Variants in NXN observed in about 807,000 individuals in gnomAD.
The protein encoded by NXN is nucleoredoxin 1.
Under a neutral mutation model 48.6 loss-of-function variants are expected in NXN, and 16 were observed. The observed-to-expected ratio is 0.33, with a 90% confidence interval of 0.22 to 0.50. The LOEUF (loss-of-function observed/expected upper bound fraction) is 0.50, where lower values mean the gene tolerates loss of function less well. Ranked by LOEUF, NXN falls within the 20% of genes least tolerant of loss-of-function variation. The probability of loss-of-function intolerance (pLI) is 0.98; values close to 1 mark genes in which losing one functional copy is unlikely to be tolerated. For synonymous variants in NXN, 281 were observed against 269.6 expected (o/e 1.04, Z -0.41); for missense variants, 492 against 605.5 (o/e 0.81, Z 1.97).
At chr17:847,770 ATTGT>A (rs2067880669) in intron 1 of NXN, among the ~76,000 whole-genome samples, 1 of 152,200 alleles carries the variant, frequency 6.6e-6, no homozygotes, top group African/African-American at 2.4e-5. Flanking sequence ...GGGGAGGTAA[ATTGT>A]TTGGAAAGTA....
At chr17:813,740 G>T (rs879422923) in intron 5 of NXN, among the ~76,000 whole-genome samples, 7 of 147,352 alleles carry the variant, frequency 4.8e-5, no homozygotes, top group Non-Finnish European at 1.1e-4. Context: ...AGGCCAAGGC[G>T]GGCACATCAC....
At chr17:961,639 T>C (rs1317336543) in intron 1 of NXN, among the ~76,000 whole-genome samples, 1 of 152,198 alleles carries the variant, frequency 6.6e-6, no homozygotes, top group African/African-American at 2.4e-5. Flanking sequence ...TAAACTGACA[T>C]TAATTCCCCT....
intron 4 of NXN, among the ~76,000 whole-genome samples, chr17:820,579 T>A (rs7217099): frequency 1.2e-5 from 1 of 86,268 alleles, no homozygotes; most frequent in Non-Finnish European, 2.1e-5. Flanking sequence ...GCCACTGCAC[T>A]CCAGCCCGGG....
At chr17:909,098 CAA>C (rs59822805) in intron 1 of NXN, among the ~76,000 whole-genome samples, 4,050 of 113,544 alleles carry the variant, frequency 0.036, 6 homozygotes, top group Non-Finnish European at 0.052. Flanking sequence ...GACTTCGTCT[CAA>C]AAAAAAAAAA....
intron 1 of NXN, among the ~76,000 whole-genome samples, chr17:974,145 C>A (rs1259189208): frequency 6.6e-6 from 1 of 151,578 alleles, no homozygotes; most frequent in East Asian, 2.0e-4. Flanking sequence ...GTCGGGAGAT[C>A]GAGACCATCC....
chr17:800,951 A>G lies in NXN; in HGVS notation c.1306T>C (p.Ter436GlnextTer107). 1 of 1,465,994 alleles carries G rather than the reference A, an allele frequency of 6.8e-7. No homozygotes were observed. 90.8% of individuals were successfully genotyped at this position (1,465,994 alleles called of 1,614,324 possible). Residue 436 changes from the stop codon to glutamine (Q), a stop_lost, in exon 8 of 8, where the codon TAG (stop) becomes CAG (glutamine). Transcript: ENST00000336868. ...LAEKLKPEPI[*>Q] ...CGTCTCAGGAGGCCGGAGCCACGCTAGATGGGCTCCGGTTTGAGCTTCTCT... is the reference window on the plus strand; with the variant it reads ...CGTCTCAGGAGGCCGGAGCCACGCTGGATGGGCTCCGGTTTGAGCTTCTCT...
chr17:881,486 C>T (rs1187988856), intron 1 of NXN, among the ~76,000 whole-genome samples: 1 of 152,206 alleles, frequency 6.6e-6, no homozygotes, highest in Non-Finnish European at 1.5e-5. Flanking sequence ...CTTGGCCTCC[C>T]AAAGTGCTGG....
At chr17:881,881 T>A (rs1255736205) in intron 1 of NXN, among the ~76,000 whole-genome samples, 1 of 152,186 alleles carries the variant, frequency 6.6e-6, no homozygotes, top group African/African-American at 2.4e-5. Context: ...TACGATTCCA[T>A]TTCCATGACG....
chr17:941,276 T>A (rs1265328899), intron 1 of NXN, among the ~76,000 whole-genome samples: 1 of 121,752 alleles, frequency 8.2e-6, no homozygotes, highest in Non-Finnish European at 1.7e-5. Context: ...CAGCCATGAA[T>A]TCACCAAACA....
intron 1 of NXN, among the ~76,000 whole-genome samples, chr17:871,325 T>C (rs117853408): frequency 0.017 from 2,527 of 152,000 alleles, 34 homozygotes; most frequent in Non-Finnish European, 0.025. Context: ...CAACAAGTAA[T>C]TGATTCCTAA....
chr17:940,237 A>ATT (rs56917679), intron 1 of NXN, among the ~76,000 whole-genome samples: 3,900 of 141,210 alleles, frequency 0.028, 75 homozygotes, highest in East Asian at 0.096. Flanking sequence ...CCTGGCCTCA[A>ATT]TTTTTTTTTT....
chr17:961,133 C>G (rs558377879), intron 1 of NXN, among the ~76,000 whole-genome samples: 2 of 151,900 alleles, frequency 1.3e-5, no homozygotes, highest in East Asian at 3.9e-4. Context: ...GTGGCTCATG[C>G]CTGTAATCCC....
chr17:970,416 A>C (rs1044822066), intron 1 of NXN, among the ~76,000 whole-genome samples: 9 of 152,174 alleles, frequency 5.9e-5, no homozygotes, highest in Middle Eastern at 3.4e-3. Context: ...CCTTCACTGG[A>C]GGAACTAAAA....
intron 1 of NXN, among the ~76,000 whole-genome samples, chr17:872,422 A>C (rs1256676189): frequency 6.6e-6 from 1 of 152,010 alleles, no homozygotes; most frequent in Non-Finnish European, 1.5e-5. Context: ...AGACAGAGGA[A>C]CACGTCAATC....
intron 1 of NXN, among the ~76,000 whole-genome samples, chr17:866,643 T>G (rs1190736611): frequency 6.6e-6 from 1 of 152,172 alleles, no homozygotes; most frequent in Non-Finnish European, 1.5e-5. Flanking sequence ...CAGTACCATG[T>G]ACCTGTTTTA....
intron 1 of NXN, among the ~76,000 whole-genome samples, chr17:926,706 G>C (rs560572484): frequency 6.8e-6 from 1 of 146,668 alleles, no homozygotes; most frequent in East Asian, 2.1e-4. Context: ...CCACCACGTC[G>C]GCTCATTTTT....
chr17:803,935 T>C, intron 6 of NXN, 129 bp from the exon 7 acceptor site: 2 of 1,197,262 alleles, frequency 1.7e-6, no homozygotes, highest in Non-Finnish European at 2.4e-6. Flanking sequence ...GGAAATGAAC[T>C]TCCCCTTGGA....
At chr17:805,319 G>T in intron 5 of NXN, 72 bp from the exon 6 acceptor site, 1 of 1,490,262 alleles carries the variant, frequency 6.7e-7, no homozygotes, top group Non-Finnish European at 9.0e-7. Context: ...GGCTCGCGGG[G>T]TCCAGCCCGG....
At chr17:838,126 C>CTTTTTTTTTTTT (rs66721481) in intron 1 of NXN, among the ~76,000 whole-genome samples, 8 of 99,190 alleles carry the variant, frequency 8.1e-5, no homozygotes, top group Admixed American at 1.3e-4. Flanking sequence ...TCCTTTCCTT[C>CTTTTTTTTTTTT]TTTTTTTTTT....
Sources: gnomAD v4.1 joint callset for allele counts (sites outside exome capture counted in the v4.1 genomes callset) on GRCh38, gnomAD v4.1.1 for gene constraint, MANE v1.5 for transcripts, NCBI Gene and HGNC (gene_info 2026-07-23, HGNC 2026-07-21) for gene names.